Variants in ITGAL observed in about 807,000 individuals in gnomAD.
ITGAL encodes the protein integrin alpha-L.
Under a neutral mutation model 138.4 loss-of-function variants are expected in ITGAL, and 68 were observed. That is an observed-to-expected ratio of 0.49 (90% CI 0.40 to 0.60). ITGAL has a LOEUF of 0.60. Ranked by LOEUF, ITGAL falls within the 20% of genes least tolerant of loss-of-function variation. The probability of loss-of-function intolerance (pLI) is 0.00; values close to 1 mark genes in which losing one functional copy is unlikely to be tolerated. For synonymous variants in ITGAL, 561 were observed against 584.3 expected, an observed-to-expected ratio of 0.96 and a Z score of 0.57; for missense variants, 1,256 against 1,478.6, an observed-to-expected ratio of 0.85 and a Z score of 2.47.
At chr16:30,474,023 G>C (rs1567459177) in intron 1 of ITGAL, 173 bp from the exon 2 acceptor site, 1 of 697,214 alleles carries the variant, frequency 1.4e-6, no homozygotes, top group Non-Finnish European at 2.6e-6. Context: ...GAGCTCTAGG[G>C]GGGCCGGGAG....
chr16:30,491,981 C>T (rs2050729883), intron 11 of ITGAL, among the ~76,000 whole-genome samples: 1 of 152,174 alleles, frequency 6.6e-6, no homozygotes, highest in South Asian at 2.1e-4. Context: ...TCCGTCTCTT[C>T]ACTCTTCCTT....
chr16:30,476,973 T>C (rs992141342), intron 4 of ITGAL, among the ~76,000 whole-genome samples: 6 of 152,024 alleles, frequency 3.9e-5, no homozygotes, highest in African/African-American at 1.4e-4. Context: ...TCCGGTGAGA[T>C]AGGGATCAGT....
chr16:30,517,710 G>T lies in ITGAL; in HGVS notation c.3033+5G>T. ...AGGCTCCCGGATGCAGCTGAGGTAT[G>T]GGCGTGTGAGCTGAGAGACGGTGGG... is the stretch of plus-strand genomic sequence containing the variant. On this transcript the variant is annotated splice_donor_5th_base_variant and intron_variant, in intron 27 of 30. Transcript: ENST00000356798. 1 of 1,613,914 alleles carries T rather than the reference G, an allele frequency of 6.2e-7. No individual in the cohort carries two copies. The highest frequency in any genetic ancestry group is 8.5e-7 in the Non-Finnish European group (1 of 1,179,780).
chr16:30,496,241 G>C lies in ITGAL; in HGVS notation c.1648G>C (p.Ala550Pro), dbSNP rs765679208. ...AVGAPLEEQG[A>P]VYIFNGRHGG... ...GGGGGCCCCTCTGGAGGAGCAGGGG[G>C]CTGTGTACATCTTCAATGGGAGGCA... The change falls in exon 14 of 31, where the codon GCT (alanine) becomes CCT (proline). Residue 550 changes from alanine to proline, a missense_variant. By Grantham distance (27) the Ala-to-Pro change is conservative (BLOSUM62 -1). Around this residue, in one of 3 missense-constraint regions of ITGAL, gnomAD observed 867 missense variants for 972.5 expected, o/e 0.89. Coordinates refer to ENST00000356798, the MANE Select transcript of ITGAL (RefSeq NM_002209.3). 2 of 1,608,992 alleles carry C rather than the reference G, an allele frequency of 1.2e-6. No individual in the cohort carries two copies. The highest frequency in any genetic ancestry group is 1.7e-5 in the Admixed American group (1 of 59,406).
chr16:30,494,574 C>T lies in ITGAL; in HGVS notation c.1366-139C>T, dbSNP rs1035374320. 78 of 1,170,478 alleles carry T rather than the reference C, an allele frequency of 6.7e-5. No individual in the cohort carries two copies. The highest frequency in any genetic ancestry group is 6.2e-4 in the East Asian group (24 of 38,608). The allele number at this position is 1,170,478 out of a possible 1,614,324, so 72.5% of individuals were successfully genotyped here. A position where few individuals can be genotyped will look rare whatever the true frequency, so the allele number is the denominator to read the frequency against. On this transcript the variant is annotated intron_variant, in intron 12 of 30. Transcript: ENST00000356798. The surrounding 1 kb of genome is among the most constrained non-coding windows in gnomAD (Gnocchi z 4.2). ...CCTCAAAGAGCCCACCTTGTCTTAA[C>T]GCACATAGACTAGGGGTGGATCCAA... is the stretch of plus-strand genomic sequence containing the variant.
At chr16:30,508,660 C>T (rs1435230297) in intron 21 of ITGAL, among the ~76,000 whole-genome samples, 3 of 152,118 alleles carry the variant, frequency 2.0e-5, no homozygotes, top group Admixed American at 6.6e-5. Context: ...TGCCAATGCA[C>T]TCTAGCCTGG....
Position 30,494,293 on chromosome 16 carries a change from G to A in ITGAL, c.1295G>A (p.Arg432Gln), listed in dbSNP as rs747512759. 5.0e-6 allele frequency: 8 copies of A among 1,613,486 alleles called. No individual in the cohort carries two copies. Among genetic ancestry groups the A allele is most frequent in the African/African-American group, 4.0e-5 (3 of 74,914 alleles). ...SGAPRYQHMGRVLLFQEPQGG... is the reference protein window; with the variant it reads ...SGAPRYQHMGQVLLFQEPQGG... ...GCCCCTCGATACCAGCACATGGGCC[G>A]AGTGCTGCTGTTCCAAGAGCCACAG... The change falls in exon 12 of 31, where the codon CGA becomes CAA. Residue 432 changes from arginine (R) to glutamine (Q), a missense_variant. By Grantham distance (43) the Arg-to-Gln change is conservative (BLOSUM62 1). Transcript: ENST00000356798. The surrounding 1 kb of genome is among the most constrained non-coding windows in gnomAD (Gnocchi z 4.2).
At chr16:30,474,396 G>A in intron 2 of ITGAL, 98 bp downstream of exon 2, 1 of 775,238 alleles carries the variant, frequency 1.3e-6, no homozygotes, top group South Asian at 1.6e-5. Context: ...CTAGTCGGTG[G>A]CACGAGGCAG....
At chr16:30,500,653 G>C (rs1011178252) in intron 17 of ITGAL, among the ~76,000 whole-genome samples, 3 of 152,000 alleles carry the variant, frequency 2.0e-5, no homozygotes, top group Non-Finnish European at 4.4e-5. Flanking sequence ...GGGCTCAAAT[G>C]ATCCTCCCAC....
chr16:30,492,906 C>T (rs1008967295), intron 11 of ITGAL, among the ~76,000 whole-genome samples: 1 of 151,916 alleles, frequency 6.6e-6, no homozygotes, highest in South Asian at 2.1e-4. Flanking sequence ...TTGTTAGAGA[C>T]AGGGTCTCAC....
intron 4 of ITGAL, among the ~76,000 whole-genome samples, chr16:30,477,848 T>C (rs931798029): frequency 6.6e-6 from 1 of 151,234 alleles, no homozygotes; most frequent in African/African-American, 2.4e-5. Flanking sequence ...ATTGTCCCAC[T>C]GCACTCCAGC....
chr16:30,474,400 G>A, intron 2 of ITGAL, 102 bp downstream of exon 2: 1 of 763,010 alleles, frequency 1.3e-6, no homozygotes, highest in South Asian at 1.6e-5. Context: ...TCGGTGGCAC[G>A]AGGCAGCTCT....
At chr16:30,519,202 G>A (rs1024353578) in intron 29 of ITGAL, among the ~76,000 whole-genome samples, 14 of 152,052 alleles carry the variant, frequency 9.2e-5, no homozygotes, top group Non-Finnish European at 1.5e-5. Context: ...CAACCTGGGC[G>A]ACAGAGTGAG....
At chr16:30,513,693 G>A (rs2051123708) in intron 24 of ITGAL, 78 bp from the exon 25 acceptor site, 1 of 1,036,188 alleles carries the variant, frequency 9.7e-7, no homozygotes, top group Admixed American at 1.7e-5. Flanking sequence ...CTAGCACAGT[G>A]GCTGGGCGCT....
intron 16 of ITGAL, 37 bp from the exon 17 acceptor site, chr16:30,499,301 C>T: frequency 6.2e-7 from 1 of 1,613,250 alleles, no homozygotes; most frequent in Non-Finnish European, 8.5e-7. Flanking sequence ...CCTGGGATCC[C>T]CCACCATTTA....
intron 9 of ITGAL, among the ~76,000 whole-genome samples, chr16:30,486,646 C>G (rs191552821): frequency 1.1e-4 from 16 of 152,050 alleles, no homozygotes; most frequent in African/African-American, 3.1e-4. Flanking sequence ...GGAAAGGGCT[C>G]GGCATGCCAG....
rs542969319 is a variant in ITGAL, at chr16:30,487,504, G to A, written c.1007-1578G>A. ...GGCTCACTGCAACCTCAGCCTCCTC[G>A]GTTCAAGCGATTCTCCTGCCTCAGC... On this transcript the variant is annotated intron_variant, in intron 9 of 30. Coordinates refer to ENST00000356798, the MANE Select transcript of ITGAL (RefSeq NM_002209.3). Among the ~76,000 whole-genome samples, 104 of 150,862 alleles carry A rather than the reference G, an allele frequency of 6.9e-4. 3 individuals carry two copies. The South Asian group carries it at 0.02, about 29-fold the overall frequency.
chr16:30,486,445 T>C (rs914466182), intron 9 of ITGAL, among the ~76,000 whole-genome samples: 5 of 149,624 alleles, frequency 3.3e-5, no homozygotes, highest in African/African-American at 7.3e-5. Context: ...TGGTCCAGCC[T>C]GGGCAGCATA....
chr16:30,507,963 C>A (rs2151168905), intron 21 of ITGAL, among the ~76,000 whole-genome samples: 1 of 152,050 alleles, frequency 6.6e-6, no homozygotes, highest in South Asian at 2.1e-4. Context: ...GGCTGGAGTG[C>A]AGTGGCGCGA....
Sources: gnomAD v4.1 joint callset for allele counts (sites outside exome capture counted in the v4.1 genomes callset) on GRCh38, gnomAD v4.1.1 for gene constraint, gnomAD v4.1.1 regional missense constraint, Gnocchi (gnomAD v3.1) non-coding constraint, MANE v1.5 for transcripts, NCBI Gene and HGNC (gene_info 2026-07-23, HGNC 2026-07-21) for gene names.